The following STOX2 variants were observed in gnomAD, a reference collection of about 807,000 sequenced individuals.
STOX2 encodes the protein storkhead-box protein 2.
In STOX2, 28 loss-of-function variants were observed where a neutral mutation model predicts 60.9. The observed-to-expected ratio is 0.46, with a 90% CI of 0.34 to 0.63. STOX2 has a LOEUF of 0.63. STOX2 is among the 30% of genes least tolerant of loss of function. The pLI, the probability that STOX2 is intolerant of heterozygous loss-of-function variation, is 0.01. For missense variants in STOX2, 1,024 were observed against 1,187.7 expected (o/e 0.86, Z 2.03); for synonymous variants, 472 against 463.9 (o/e 1.02, Z -0.22).
chr4:183,922,543 A>G (rs970142668), intron 1 of STOX2, among the ~76,000 whole-genome samples: 8 of 152,032 alleles, frequency 5.3e-5, no homozygotes, highest in African/African-American at 1.9e-4. Flanking sequence ...ACGGGGTTTC[A>G]CCATCTTGGC....
At chr4:183,857,146 CGCAGGACTGGTTATCCT>C (rs1304897757) in intron 1 of STOX2, among the ~76,000 whole-genome samples, 3 of 150,272 alleles carry the variant, frequency 2.0e-5, no homozygotes, top group Non-Finnish European at 4.4e-5. Context: ...CTGGTTATCC[CGCAGGACTGGTTATCCT>C]GCAGGTCTGG....
At chr4:183,813,653 C>T (rs1034167811) in intron 1 of STOX2, among the ~76,000 whole-genome samples, 5 of 152,142 alleles carry the variant, frequency 3.3e-5, no homozygotes, top group African/African-American at 1.2e-4. Flanking sequence ...ATTGTAATTC[C>T]TTTGAGGGTG....
rs373950929 is a variant in STOX2 at position 183,967,051 on chromosome 4, G to A, written c.167-34274G>A. Among the ~76,000 whole-genome samples, 5 of 152,284 alleles carry A rather than the reference G, an allele frequency of 3.3e-5. No individual in the cohort carries two copies. The East Asian group carries it at 9.7e-4, about 29-fold the overall frequency. ...AAAGTGTAGTTGTTATGAGTAGGAG[G>A]TGGGAAGGGTAGGCATTAGAAGTGA... On this transcript the variant is annotated intron_variant, in intron 1 of 3. Coordinates refer to ENST00000308497, the MANE Select transcript of STOX2 (RefSeq NM_020225.3).
chr4:183,798,899 T>TGG, intron 1 of STOX2: 2 of 800,876 alleles, frequency 2.5e-6, no homozygotes, highest in Non-Finnish European at 3.0e-6. Context: ...GGTTTTATAC[T>TGG]TTGAGTTTTT....
rs369908407 is a variant in STOX2 at position 184,010,788 on chromosome 4, T to C, written c.1950T>C (p.Pro650=). The change falls in exon 3 of 4, where the codon CCT becomes CCC. Residue 650 remains proline, a synonymous_variant. Transcript: ENST00000308497. This position sits in a 1 kb window ranked among gnomAD's most constrained non-coding sequence, Gnocchi z 4.5. ...AGGTCCCCCACTCCTCCAGGGAGCCTGTGGGGCACAAGGAGGAGTCACCAA... is the reference window on the plus strand; with the variant it reads ...AGGTCCCCCACTCCTCCAGGGAGCCCGTGGGGCACAAGGAGGAGTCACCAA... ...DRQVPHSSRE[P]VGHKEESPKG... 3.0e-5 allele frequency: 48 copies of C among 1,580,198 alleles called. No individual in the cohort carries two copies. The African/African-American group carries it at 5.1e-4, about 17-fold the overall frequency.
At chr4:183,853,772 C>T (rs1478051783) in intron 1 of STOX2, 3 of 152,116 alleles carry the variant, frequency 2.0e-5, no homozygotes, top group African/African-American at 7.2e-5. Context: ...TGAAGGAAGC[C>T]ACAGATTATT....
rs536333231 is a variant in STOX2 at position 184,009,714 on chromosome 4, T to A, written c.876T>A (p.Pro292=). The change falls in exon 3 of 4, where the codon CCT becomes CCA. Residue 292 remains proline, a synonymous_variant. Coordinates refer to ENST00000308497, the MANE Select transcript of STOX2 (RefSeq NM_020225.3). The surrounding 1 kb of genome is among the most constrained non-coding windows in gnomAD (Gnocchi z 4.0). ...QLANFSAQFP[P]EEWPLRDEDT... Reference sequence around the variant, plus strand: ...CCAATTTTTCTGCCCAGTTTCCTCCTGAAGAGTGGCCCCTGCGAGACGAGG... The same window carrying A: ...CCAATTTTTCTGCCCAGTTTCCTCCAGAAGAGTGGCCCCTGCGAGACGAGG... 1.1e-5 allele frequency: 17 copies of A among 1,613,822 alleles called. 1 individual carries two copies. In the South Asian group the frequency reaches 1.8e-4, roughly 17 times the overall value.
chr4:183,847,331 C>G (rs1025812098), intron 1 of STOX2, among the ~76,000 whole-genome samples: 5 of 152,136 alleles, frequency 3.3e-5, no homozygotes, highest in Admixed American at 3.3e-4. Flanking sequence ...AACTCCCTAG[C>G]CTTTCCTTTT....
At chr4:183,921,335 A>G (rs1334329386) in intron 1 of STOX2, among the ~76,000 whole-genome samples, 1 of 152,220 alleles carries the variant, frequency 6.6e-6, no homozygotes, top group African/African-American at 2.4e-5. Context: ...ATGATTAAAA[A>G]CTATAGATGG....
At chr4:183,922,322 A>C (rs901262166) in intron 1 of STOX2, among the ~76,000 whole-genome samples, 9 of 151,612 alleles carry the variant, frequency 5.9e-5, no homozygotes, top group African/African-American at 1.9e-4. Flanking sequence ...TAAAAAAAAA[A>C]CACATAATGC....
rs201312998 is a variant in STOX2 at position 183,976,321 on chromosome 4, CA to C, written c.167-24995del. ...AGCGAGACTGCGTCTCAAAAACAAA[CA>C]AAAAAAAAGAAAATCAGTCAATGTA... On this transcript the variant is annotated intron_variant, in intron 1 of 3. Transcript: ENST00000308497. Among the ~76,000 whole-genome samples, 316 of 147,690 alleles carry C rather than the reference CA, an allele frequency of 2.1e-3. 5 individuals are homozygous for C. The highest frequency in any genetic ancestry group is 7.4e-3 in the African/African-American group (299 of 40,336).
chr4:183,925,210 C>T (rs1190354678), intron 1 of STOX2, among the ~76,000 whole-genome samples: 7 of 152,130 alleles, frequency 4.6e-5, no homozygotes, highest in Non-Finnish European at 1.0e-4. Flanking sequence ...GGTGAAAGCA[C>T]AGGTTTGGTA....
Position 183,809,078 on chromosome 4 carries a change from A to G in STOX2, c.364+11023A>G, listed in dbSNP as rs907714357. Reference sequence around the variant, plus strand: ...AATTTGGATACGAATTAGAGCTGTTATTTATTTATTTATTTTTGAGACAGA... The same window carrying G: ...AATTTGGATACGAATTAGAGCTGTTGTTTATTTATTTATTTTTGAGACAGA... On this transcript the variant is annotated intron_variant, in intron 1 of 2. Coordinates refer to the STOX2 transcript ENST00000513034. Among the ~76,000 whole-genome samples, 19 of 152,024 alleles carry G rather than the reference A, an allele frequency of 1.2e-4. 1 individual carries two copies. The highest frequency in any genetic ancestry group is 7.9e-4 in the Admixed American group (12 of 15,274).
chr4:183,887,371 T>C (rs905274921), intron 1 of STOX2, among the ~76,000 whole-genome samples: 16 of 152,168 alleles, frequency 1.1e-4, no homozygotes, highest in African/African-American at 3.9e-4. Context: ...ATAAATTTAG[T>C]GATTTAGTAT....
intron 1 of STOX2, among the ~76,000 whole-genome samples, chr4:183,803,934 C>G (rs746873038): frequency 1.3e-5 from 2 of 152,016 alleles, no homozygotes; most frequent in Non-Finnish European, 2.9e-5. Flanking sequence ...CGACACTGCA[C>G]TCCAGCCTGG....
At chr4:183,844,037 C>T (rs1171654903) in intron 1 of STOX2, among the ~76,000 whole-genome samples, 2 of 152,008 alleles carry the variant, frequency 1.3e-5, no homozygotes, top group African/African-American at 2.4e-5. Context: ...CTACCCAATC[C>T]GAATTTCTAA....
chr4:183,894,157 A>C lies in STOX2; in HGVS notation c.364+96102A>C, dbSNP rs1420117682. The stretch of plus-strand genomic sequence containing the variant: ...CACAGTGAGATTCTGTCTCCAAAAA[A>C]TAAAAAAAATTAAAAATATTAAAAA... On this transcript the variant is annotated intron_variant, in intron 1 of 2. Transcript: ENST00000513034. Among the ~76,000 whole-genome samples, 4 of 152,244 alleles carry C rather than the reference A, an allele frequency of 2.6e-5. No homozygotes were observed. The East Asian group carries it at 7.7e-4, about 29-fold the overall frequency.
chr4:184,012,465 C>T (rs1039250242), intron 3 of STOX2, among the ~76,000 whole-genome samples: 15 of 152,086 alleles, frequency 9.9e-5, no homozygotes, highest in Non-Finnish European at 1.6e-4. Flanking sequence ...AAATTAATTC[C>T]GTTGTGATCT....
chr4:183,939,003 C>G (rs4862270), intron 1 of STOX2, among the ~76,000 whole-genome samples: 124,872 of 152,192 alleles, frequency 0.82, 53,058 homozygotes, highest in Non-Finnish European at 0.95. Flanking sequence ...AAAATCTATC[C>G]AAAGAGTCAG....
Sources: gnomAD v4.1 joint callset for allele counts (sites outside exome capture counted in the v4.1 genomes callset) on GRCh38, gnomAD v4.1.1 for gene constraint, Gnocchi (gnomAD v3.1) non-coding constraint, MANE v1.5 for transcripts, NCBI Gene and HGNC (gene_info 2026-07-23, HGNC 2026-07-21) for gene names.